The following EHMT1 variants were observed in gnomAD, a reference collection of about 807,000 sequenced individuals.
The protein encoded by EHMT1 is euchromatic histone lysine methyltransferase 1, also known as histone-lysine N-methyltransferase EHMT1.
EHMT1 carries 15 observed loss-of-function variants against 147.2 expected under a neutral mutation model. The observed-to-expected ratio is 0.10, with a 90% CI of 0.07 to 0.16. EHMT1 has a LOEUF of 0.16. Ranked by LOEUF, EHMT1 falls within the 10% of genes least tolerant of loss-of-function variation. EHMT1 has a pLI of 1.00. For synonymous variants in EHMT1, 795 were observed against 709.6 expected, an observed-to-expected ratio of 1.12 and a Z score of -1.91; for missense variants, 1,587 against 1,772.4, an observed-to-expected ratio of 0.90 and a Z score of 1.88.
At chr9:137,638,875 C>T (rs1359011203) in intron 1 of EHMT1, among the ~76,000 whole-genome samples, 2 of 152,062 alleles carry the variant, frequency 1.3e-5, no homozygotes, top group East Asian at 3.9e-4. Context: ...GCCAGCAGAC[C>T]CCAGAGCCTG....
At chr9:137,762,861 G>C in intron 10 of EHMT1, 41 bp downstream of exon 10, 2 of 1,611,822 alleles carry the variant, frequency 1.2e-6, no homozygotes, top group Non-Finnish European at 1.7e-6. Context: ...CACGAGGAGT[G>C]AGTGAGAAAG....
At chr9:137,681,273 G>A (rs1348831858) in intron 1 of EHMT1, among the ~76,000 whole-genome samples, 3 of 152,152 alleles carry the variant, frequency 2.0e-5, no homozygotes, top group African/African-American at 7.2e-5. Flanking sequence ...TTTTTGCCGC[G>A]TGTCTGTAAC....
intron 13 of EHMT1, among the ~76,000 whole-genome samples, chr9:137,778,687 GAC>G (rs1229723631): frequency 1.3e-5 from 2 of 152,158 alleles, no homozygotes; most frequent in East Asian, 3.9e-4. Context: ...TCTGCTCGCT[GAC>G]CAGACCCCAG....
At chr9:137,652,206 C>T (rs1390819138) in intron 1 of EHMT1, among the ~76,000 whole-genome samples, 3 of 152,156 alleles carry the variant, frequency 2.0e-5, no homozygotes, top group East Asian at 1.9e-4. Context: ...GACGGTGATA[C>T]GGATGATCCT....
intron 1 of EHMT1, among the ~76,000 whole-genome samples, chr9:137,682,445 C>G (rs543545520): frequency 3.9e-5 from 6 of 152,132 alleles, no homozygotes; most frequent in African/African-American, 1.2e-4. Context: ...TGACTGAGAA[C>G]TTTTATCTTT....
chr9:137,764,041 A>T (rs1399785284), intron 10 of EHMT1: 1 of 152,380 alleles, frequency 6.6e-6, no homozygotes, highest in Non-Finnish European at 1.5e-5. Context: ...GCTTTTCTAA[A>T]GTGTTCCCCG....
At chr9:137,647,856 C>T (rs1409268091) in intron 1 of EHMT1, among the ~76,000 whole-genome samples, 1 of 152,142 alleles carries the variant, frequency 6.6e-6, no homozygotes, top group Non-Finnish European at 1.5e-5. Flanking sequence ...CTCGGCCTCC[C>T]AAGGTGTTGG....
chr9:137,695,495 A>G (rs1035491484), intron 1 of EHMT1, among the ~76,000 whole-genome samples: 6 of 152,214 alleles, frequency 3.9e-5, no homozygotes, highest in Non-Finnish European at 8.8e-5. Flanking sequence ...AACAATCATC[A>G]TTTGTTATCC....
chr9:137,727,117 A>G (rs1018822804), intron 3 of EHMT1, among the ~76,000 whole-genome samples: 1 of 152,072 alleles, frequency 6.6e-6, no homozygotes, highest in Non-Finnish European at 1.5e-5. Flanking sequence ...ACTGTTAACT[A>G]TGTCCTTTGA....
At chr9:137,635,275 C>T (rs1451988790) in intron 1 of EHMT1, among the ~76,000 whole-genome samples, 7 of 151,568 alleles carry the variant, frequency 4.6e-5, no homozygotes, top group South Asian at 4.2e-4. Context: ...GGCGTGATCT[C>T]GGGTCACTGC....
intron 1 of EHMT1, among the ~76,000 whole-genome samples, chr9:137,629,054 A>G (rs1210373196): frequency 6.7e-6 from 1 of 149,170 alleles, no homozygotes; most frequent in Non-Finnish European, 1.5e-5. Flanking sequence ...TAAGTTGCTC[A>G]CTCAGCAAAC....
intron 1 of EHMT1, among the ~76,000 whole-genome samples, chr9:137,626,006 C>T (rs1432863959): frequency 2.7e-5 from 4 of 150,736 alleles, no homozygotes; most frequent in African/African-American, 4.9e-5. Flanking sequence ...CAGGCATGCA[C>T]CACCAAGCCT....
chr9:137,815,401 G>A (rs897162126), intron 22 of EHMT1: 13 of 206,200 alleles, frequency 6.3e-5, no homozygotes, highest in Admixed American at 1.1e-4. Flanking sequence ...CCCTGAAGCC[G>A]TCAAGCCAGA....
intron 25 of EHMT1, among the ~76,000 whole-genome samples, chr9:137,831,512 C>T (rs1956186376): frequency 6.6e-6 from 1 of 152,250 alleles, no homozygotes; most frequent in Non-Finnish European, 1.5e-5. Context: ...TTCATCCACC[C>T]AGTGATGGCT....
At chr9:137,826,037 C>A (rs1955790103) in intron 25 of EHMT1, among the ~76,000 whole-genome samples, 1 of 151,608 alleles carries the variant, frequency 6.6e-6, no homozygotes, top group Non-Finnish European at 1.5e-5. Context: ...TCTCCTTGTT[C>A]TGTTAATGTG....
intron 1 of EHMT1, among the ~76,000 whole-genome samples, chr9:137,673,622 A>G (rs1940925001): frequency 6.6e-6 from 1 of 151,770 alleles, no homozygotes; most frequent in Non-Finnish European, 1.5e-5. Context: ...ACACCAGACA[A>G]CTCCTGGCGA....
intron 16 of EHMT1, among the ~76,000 whole-genome samples, chr9:137,795,431 T>A (rs57020709): frequency 0.042 from 298 of 7,170 alleles, 2 homozygotes; most frequent in South Asian, 0.076. Context: ...ACACACACTC[T>A]CACACTCACA....
Position 137,777,886 on chromosome 9 carries a change from G to A in EHMT1, c.2023G>A (p.Ala675Thr), listed in dbSNP as rs1275795367. ...CCCCGATTTCCTCCCCTGAAGTGCT[G>A]CCGGGCCACCACTCTCGGAGGACGA... ...GRADTTTGSA[A>T]GPPLSEDDKL... The change falls in exon 13 of 27, where the codon GCC becomes ACC. Residue 675 changes from alanine (A) to threonine (T), a missense_variant. Physicochemically the swap from Ala to Thr is moderately conservative, Grantham distance 58. Transcript: ENST00000460843. The A allele has an allele frequency of 1.2e-6, 2 of 1,612,992 alleles. No homozygotes were observed. Among genetic ancestry groups the A allele is most frequent in the Non-Finnish European group, 1.7e-6 (2 of 1,180,020 alleles).
At chr9:137,760,962 G>A (rs978248858) in intron 9 of EHMT1, among the ~76,000 whole-genome samples, 1 of 152,176 alleles carries the variant, frequency 6.6e-6, no homozygotes, top group Non-Finnish European at 1.5e-5. Flanking sequence ...AGCTGAGATC[G>A]CACCACTGCA....
Sources: allele counts gnomAD v4.1 joint callset (sites outside exome capture counted in the v4.1 genomes callset), GRCh38; gene constraint gnomAD v4.1.1; transcripts MANE v1.5; gene names NCBI Gene and HGNC (gene_info 2026-07-23, HGNC 2026-07-21).